The following FCHSD2 variants were observed in gnomAD, a reference collection of about 807,000 sequenced individuals.
The protein encoded by FCHSD2 is F-BAR and double SH3 domains protein 2.
Under a neutral mutation model 108.1 loss-of-function variants are expected in FCHSD2, and 38 were observed. The observed-to-expected ratio is 0.35, with a 90% CI of 0.27 to 0.46. FCHSD2 has a LOEUF of 0.46. FCHSD2 is among the 20% of genes least tolerant of loss of function. The pLI, the probability that FCHSD2 is intolerant of heterozygous loss-of-function variation, is 1.00. For synonymous variants in FCHSD2, 279 were observed against 314.7 expected (o/e 0.89, Z 1.20); for missense variants, 751 against 897.8 (o/e 0.84, Z 2.09).
chr11:73,054,002 A>G (rs1439796280), intron 3 of FCHSD2, among the ~76,000 whole-genome samples: 1 of 152,168 alleles, frequency 6.6e-6, no homozygotes, highest in Non-Finnish European at 1.5e-5. Flanking sequence ...TTAAGGGAAA[A>G]GGGGGGAAGA....
In FCHSD2 at chr11:73,125,715, C is replaced by T. The variant is rs1225308361; in HGVS notation, c.119+14316G>A. ...GACCCTGTCTCAAGACAAAAAAAAACACAATGTCATATCTTAGAATGACCA... is the reference window on the plus strand; with the variant it reads ...GACCCTGTCTCAAGACAAAAAAAAATACAATGTCATATCTTAGAATGACCA... On this transcript the variant is annotated intron_variant, in intron 2 of 19. Coordinates refer to ENST00000409418, the MANE Select transcript of FCHSD2 (RefSeq NM_014824.3). Among the ~76,000 whole-genome samples, 6 of 151,570 alleles carry T rather than the reference C, an allele frequency of 4.0e-5. No individual in the cohort carries two copies. In the East Asian group the frequency reaches 1.2e-3, roughly 29 times the overall value.
At chr11:72,931,883 A>G (rs1457046243) in intron 8 of FCHSD2, among the ~76,000 whole-genome samples, 3 of 152,212 alleles carry the variant, frequency 2.0e-5, no homozygotes, top group Non-Finnish European at 4.4e-5. Context: ...AAGATCTTGC[A>G]ATAGCATTCT....
intron 3 of FCHSD2, among the ~76,000 whole-genome samples, chr11:73,074,744 G>A (rs995742252): frequency 9.2e-5 from 14 of 152,102 alleles, no homozygotes; most frequent in Non-Finnish European, 4.4e-5. Flanking sequence ...AATTTGGAAC[G>A]TATAAAGAGA....
chr11:72,925,969 T>A (rs980547763), intron 8 of FCHSD2, among the ~76,000 whole-genome samples: 1 of 152,196 alleles, frequency 6.6e-6, no homozygotes, highest in Non-Finnish European at 1.5e-5. Flanking sequence ...CAAGCCTCCC[T>A]GTGCTCCTGG....
chr11:72,847,023 G>A (rs1324841522), intron 14 of FCHSD2, among the ~76,000 whole-genome samples: 1 of 152,090 alleles, frequency 6.6e-6, no homozygotes, highest in Non-Finnish European at 1.5e-5. Context: ...TAGAGGCAGG[G>A]TCTCACTCTG....
At chr11:73,116,750 C>G (rs566068447) in intron 2 of FCHSD2, among the ~76,000 whole-genome samples, 132 of 152,228 alleles carry the variant, frequency 8.7e-4, no homozygotes, top group Non-Finnish European at 1.5e-3. Flanking sequence ...GTTGCCCAGG[C>G]TAGTCTCGAA....
chr11:72,851,825 G>A (rs183170315), intron 13 of FCHSD2, among the ~76,000 whole-genome samples: 375 of 148,362 alleles, frequency 2.5e-3, no homozygotes, highest in Middle Eastern at 0.011. Flanking sequence ...TATCACTAAA[G>A]AAATGCAAAT....
chr11:73,034,106 T>C (rs183838938), intron 3 of FCHSD2, among the ~76,000 whole-genome samples: 2 of 152,340 alleles, frequency 1.3e-5, no homozygotes, highest in Non-Finnish European at 2.9e-5. Flanking sequence ...CTTTAAGTTC[T>C]GGGATACATG....
At chr11:72,878,231 A>T (rs1236656704) in intron 12 of FCHSD2, among the ~76,000 whole-genome samples, 1 of 152,140 alleles carries the variant, frequency 6.6e-6, no homozygotes, top group Non-Finnish European at 1.5e-5. Flanking sequence ...GTACACTATG[A>T]TTGTGCCTGT....
intron 5 of FCHSD2, among the ~76,000 whole-genome samples, chr11:72,997,396 G>A (rs1176809914): frequency 1.3e-5 from 2 of 152,140 alleles, no homozygotes; most frequent in Non-Finnish European, 2.9e-5. Context: ...CCAGAAGAAA[G>A]CTTAACCCTC....
intron 2 of FCHSD2, among the ~76,000 whole-genome samples, chr11:73,122,192 T>G (rs1367237962): frequency 6.6e-6 from 1 of 151,716 alleles, no homozygotes; most frequent in Non-Finnish European, 1.5e-5. Flanking sequence ...AAAAAAAATG[T>G]AGCTCAAAGC....
rs142736469 is a variant in FCHSD2 at position 72,943,054 on chromosome 11, C to T, written c.706-21104G>A. On this transcript the variant is annotated intron_variant, in intron 8 of 19. Transcript: ENST00000409418. ...TTGCTCACGCTGGAGTGCAATGGTGCGATCTTGGCTCACTACAACCTCCGC... is the reference window on the plus strand; with the variant it reads ...TTGCTCACGCTGGAGTGCAATGGTGTGATCTTGGCTCACTACAACCTCCGC... Among the ~76,000 whole-genome samples, 1,178 of 152,256 alleles carry T rather than the reference C, an allele frequency of 7.7e-3. 15 individuals carry two copies. The highest frequency in any genetic ancestry group is 0.027 in the African/African-American group (1,112 of 41,544).
intron 8 of FCHSD2, among the ~76,000 whole-genome samples, chr11:72,952,567 T>C (rs571699933): frequency 2.8e-4 from 43 of 152,182 alleles, no homozygotes; most frequent in African/African-American, 1.0e-3. Flanking sequence ...TCAAGTGATC[T>C]ACCGGCCTCG....
In FCHSD2 at chr11:72,928,892, T is replaced by G. The variant is rs542763315; in HGVS notation, c.706-6942A>C. Among the ~76,000 whole-genome samples the G allele has an allele frequency of 1.9e-4, 29 of 150,698 alleles. No individual in the cohort carries two copies. In the South Asian group the frequency reaches 5.7e-3, roughly 30 times the overall value. On this transcript the variant is annotated intron_variant, in intron 8 of 19. Transcript: ENST00000409418. The stretch of plus-strand genomic sequence containing the variant: ...CCCCCCGTCCCCCACCCCACAACAG[T>G]CCCCGATGTGTGATGTTCCCCTTCC...
At chr11:72,953,858 C>T (rs2135361078) in intron 8 of FCHSD2, among the ~76,000 whole-genome samples, 1 of 152,234 alleles carries the variant, frequency 6.6e-6, no homozygotes, top group Non-Finnish European at 1.5e-5. Context: ...GAGGAAACAT[C>T]ACATGTGAAA....
intron 2 of FCHSD2, among the ~76,000 whole-genome samples, chr11:73,137,678 G>C (rs1478271369): frequency 1.3e-5 from 2 of 152,140 alleles, no homozygotes; most frequent in African/African-American, 4.8e-5. Flanking sequence ...GCAGTTATTG[G>C]TAATCAAGAA....
intron 3 of FCHSD2, among the ~76,000 whole-genome samples, chr11:73,074,899 G>A (rs557155966): frequency 1.3e-5 from 2 of 152,256 alleles, no homozygotes; most frequent in African/African-American, 4.8e-5. Flanking sequence ...GCGACAGAGT[G>A]AGACCCTGTC....
intron 3 of FCHSD2, among the ~76,000 whole-genome samples, chr11:73,021,004 G>A (rs920978118): frequency 1.3e-5 from 2 of 152,066 alleles, no homozygotes; most frequent in Non-Finnish European, 2.9e-5. Flanking sequence ...AGCCTCCAGA[G>A]TAGCTGGGAC....
At position 73,112,022 on chromosome 11, in the gene FCHSD2, C is replaced by T. The variant is rs375234198; in HGVS notation, c.119+28009G>A. ...TTTTAGTCTTTCTACTTAAGAATAACTTATACATCACAATTACAGTGTTAT... is the reference window on the plus strand; with the variant it reads ...TTTTAGTCTTTCTACTTAAGAATAATTTATACATCACAATTACAGTGTTAT... On this transcript the variant is annotated intron_variant, in intron 2 of 19. Transcript: ENST00000409418. Among the ~76,000 whole-genome samples, 428 of 152,190 alleles carry T rather than the reference C, an allele frequency of 2.8e-3. 1 individual carries two copies. The highest frequency in any genetic ancestry group is 9.8e-3 in the African/African-American group (407 of 41,532).
Sources: gnomAD v4.1 joint callset for allele counts (sites outside exome capture counted in the v4.1 genomes callset) on GRCh38, gnomAD v4.1.1 for gene constraint, MANE v1.5 for transcripts, NCBI Gene and HGNC (gene_info 2026-07-23, HGNC 2026-07-21) for gene names.